Variants in ZNF654 observed in about 807,000 individuals in gnomAD.
ZNF654 encodes the protein melanoma-associated antigen.
ZNF654 carries 19 observed loss-of-function variants against 95.3 expected under a neutral mutation model. The ratio of observed to expected loss-of-function variants is 0.20; its 90% confidence interval spans 0.14 to 0.29. The LOEUF is 0.29. ZNF654 is among the 10% of genes least tolerant of loss of function. The pLI is 1.00. For missense variants in ZNF654, 1,046 were observed against 1,341.0 expected, an observed-to-expected ratio of 0.78 and a Z score of 3.44; for synonymous variants, 413 against 457.9, an observed-to-expected ratio of 0.90 and a Z score of 1.25.
rs1707153960 is a variant in ZNF654 at position 88,141,957 on chromosome 3, G to A, written c.*305G>A. ...TATGAGAAACATGTTTAGGCAACTAGTCAGAAAACCAGCTATGGCCTTACA... is the reference window on the plus strand; with the variant it reads ...TATGAGAAACATGTTTAGGCAACTAATCAGAAAACCAGCTATGGCCTTACA... On this transcript the variant is annotated 3_prime_UTR_variant, in exon 9 of 9. Coordinates refer to ENST00000636215, the MANE Select transcript of ZNF654 (RefSeq NM_001350134.2). The A allele has an allele frequency of 8.1e-6, 2 of 246,106 alleles. No homozygotes were observed. Among genetic ancestry groups the A allele is most frequent in the Non-Finnish European group, 1.5e-5 (2 of 129,138 alleles). The allele number at this position is 246,106 out of a possible 1,614,324, so 15.2% of individuals were successfully genotyped here. A position where few individuals can be genotyped will look rare whatever the true frequency, so the allele number is the denominator to read the frequency against.
intron 1 of ZNF654, among the ~76,000 whole-genome samples, chr3:88,075,357 T>G (rs1209267468): frequency 6.6e-6 from 1 of 152,236 alleles, no homozygotes; most frequent in Non-Finnish European, 1.5e-5. Flanking sequence ...CAAGGCATTT[T>G]TAGTCTTGTG....
At chr3:88,109,815 A>G (rs1442184939) in intron 2 of ZNF654, among the ~76,000 whole-genome samples, 1 of 152,188 alleles carries the variant, frequency 6.6e-6, no homozygotes, top group Non-Finnish European at 1.5e-5. Context: ...GTAAAAAATA[A>G]TATATTAAAC....
chr3:88,124,194 A>C (rs535542258), intron 3 of ZNF654, among the ~76,000 whole-genome samples: 9 of 152,320 alleles, frequency 5.9e-5, no homozygotes, highest in Non-Finnish European at 1.2e-4. Context: ...TGTTCCAAGC[A>C]CTTTCTAGTA....
chr3:88,130,444 TTTTTTG>T (rs1288865098), intron 6 of ZNF654, among the ~76,000 whole-genome samples: 1 of 152,000 alleles, frequency 6.6e-6, no homozygotes, highest in African/African-American at 2.4e-5. Context: ...TTCTTGGTTA[TTTTTTG>T]TTTTTGTTTT....
chr3:88,076,457 T>C (rs1171351948), intron 1 of ZNF654, among the ~76,000 whole-genome samples: 1 of 152,224 alleles, frequency 6.6e-6, no homozygotes, highest in Non-Finnish European at 1.5e-5. Flanking sequence ...GTCTAGCCTC[T>C]AAGAGTGAAC....
intron 1 of ZNF654, among the ~76,000 whole-genome samples, chr3:88,062,405 T>G (rs1427292404): frequency 6.6e-6 from 1 of 152,148 alleles, no homozygotes; most frequent in South Asian, 2.1e-4. Flanking sequence ...TTGCAAGTGA[T>G]GTGAAAGGAA....
chr3:88,080,926 C>A (rs759199141), intron 1 of ZNF654, among the ~76,000 whole-genome samples: 5 of 152,110 alleles, frequency 3.3e-5, no homozygotes, highest in Non-Finnish European at 5.9e-5. Context: ...AAATTGTAGA[C>A]CTTTTCAAAT....
In ZNF654 at chr3:88,086,338, A is replaced by G; in HGVS notation, c.268A>G (p.Thr90Ala). Residue 90 changes from threonine to alanine, a missense_variant, in exon 2 of 9, where the codon ACA becomes GCA. By Grantham distance (58) the Thr-to-Ala change is moderately conservative. Around this residue, in one of 9 missense-constraint regions of ZNF654, gnomAD observed 91 missense variants for 190.5 expected, o/e 0.48. Coordinates refer to ENST00000636215, the MANE Select transcript of ZNF654 (RefSeq NM_001350134.2). The stretch of plus-strand genomic sequence containing the variant: ...TCAGACTGCCCTTTGTTGTTTTACA[A>G]CAGCCAGTGCATCATTCCCAGATGA... ...VLQTALCCFT[T>A]ASASFPDECE... 2 of 1,535,372 alleles carry G rather than the reference A, an allele frequency of 1.3e-6. No individual in the cohort carries two copies. The highest frequency in any genetic ancestry group is 1.7e-6 in the Non-Finnish European group (2 of 1,146,698).
intron 1 of ZNF654, among the ~76,000 whole-genome samples, chr3:88,075,247 A>G (rs946222528): frequency 6.6e-6 from 1 of 152,206 alleles, no homozygotes; most frequent in Non-Finnish European, 1.5e-5. Flanking sequence ...CATATCACTT[A>G]CTTGTAGTTT....
Position 88,140,133 on chromosome 3 carries a change from T to C in ZNF654, c.2464T>C (p.Cys822Arg), listed in dbSNP as rs781220403. 6.2e-7 allele frequency: 1 copy of C among 1,613,890 alleles called. No individual in the cohort carries two copies. The highest frequency in any genetic ancestry group is 2.2e-5 in the East Asian group (1 of 44,884). ...TGTGTATTTTTGTTTGCATTTTAAT[T>C]GCAACGAGTCGTTTAAGCTGCCGTT... ...PNVYFCLHFN[C>R]NESFKLPFQL... Residue 822 changes from cysteine (C) to arginine (R), a missense_variant, in exon 8 of 9, where the codon TGC (cysteine) becomes CGC (arginine). Physicochemically the swap from Cys to Arg is radical, Grantham distance 180. Transcript: ENST00000636215.
intron 1 of ZNF654, among the ~76,000 whole-genome samples, chr3:88,066,062 A>T (rs1187008009): frequency 3.9e-5 from 6 of 152,228 alleles, no homozygotes; most frequent in Admixed American, 3.9e-4. Context: ...ACAAATAGAT[A>T]CAAGATTATT....
In ZNF654 at chr3:88,112,228, C is replaced by G. The variant is rs1318773903; in HGVS notation, c.333-887C>G. On this transcript the variant is annotated intron_variant, in intron 2 of 8. Coordinates refer to ENST00000636215, the MANE Select transcript of ZNF654 (RefSeq NM_001350134.2). ...ATAATTTTAAAAGCATATATATTCT[C>G]ATGTTTACATTTTATAATTTTAGTC... is the stretch of plus-strand genomic sequence containing the variant. Among the ~76,000 whole-genome samples the G allele has an allele frequency of 2.0e-5, 3 of 151,546 alleles. No homozygotes were observed. In the East Asian group the frequency reaches 5.8e-4, roughly 29 times the overall value.
At chr3:88,125,600 C>T (rs1365830657) in intron 3 of ZNF654, among the ~76,000 whole-genome samples, 2 of 152,064 alleles carry the variant, frequency 1.3e-5, no homozygotes, top group African/African-American at 4.8e-5. Flanking sequence ...ATCTAATTAT[C>T]CAACAAAGGG....
chr3:88,059,757 A>G (rs888361717), intron 1 of ZNF654, among the ~76,000 whole-genome samples: 22 of 151,930 alleles, frequency 1.4e-4, no homozygotes, highest in African/African-American at 5.1e-4. Flanking sequence ...GAAAGAAGGA[A>G]GGTCGGCTGT....
At chr3:88,119,799 C>T (rs1705660860) in intron 3 of ZNF654, among the ~76,000 whole-genome samples, 1 of 152,086 alleles carries the variant, frequency 6.6e-6, no homozygotes, top group South Asian at 2.1e-4. Context: ...TAATTCATTA[C>T]TTATTTTAAA....
intron 1 of ZNF654, among the ~76,000 whole-genome samples, chr3:88,074,389 TGGAGTGCAGTG>T (rs1707684896): frequency 6.7e-6 from 1 of 148,250 alleles, no homozygotes; most frequent in Admixed American, 6.9e-5. Flanking sequence ...TCGCCCAGGC[TGGAGTGCAGTG>T]GCTTGATCTC....
chr3:88,113,846 T>C (rs1705237788), intron 3 of ZNF654, among the ~76,000 whole-genome samples: 1 of 152,110 alleles, frequency 6.6e-6, no homozygotes, highest in South Asian at 2.1e-4. Flanking sequence ...AACCATGGTG[T>C]TAAAGGCTTA....
intron 3 of ZNF654, among the ~76,000 whole-genome samples, chr3:88,120,035 A>G (rs1190405238): frequency 2.0e-5 from 3 of 151,512 alleles, no homozygotes; most frequent in African/African-American, 4.8e-5. Flanking sequence ...CAAAAAGGAT[A>G]TCCTTAAATA....
At chr3:88,090,043 A>G (rs1576248338) in intron 2 of ZNF654, among the ~76,000 whole-genome samples, 1 of 152,222 alleles carries the variant, frequency 6.6e-6, no homozygotes, top group South Asian at 2.1e-4. Flanking sequence ...AAAGTATAGC[A>G]TATAGAATTA....
Sources: allele counts gnomAD v4.1 joint callset (sites outside exome capture counted in the v4.1 genomes callset), GRCh38; gene constraint gnomAD v4.1.1; regional missense constraint gnomAD v4.1.1; transcripts MANE v1.5; gene names NCBI Gene and HGNC (gene_info 2026-07-23, HGNC 2026-07-21).